ANO3: variants seen among roughly 807,000 people sequenced by gnomAD.
The protein encoded by ANO3 is anoctamin 3.
Under a neutral mutation model 144.8 loss-of-function variants are expected in ANO3, and 99 were observed. The ratio of observed to expected loss-of-function variants is 0.68; its 90% CI spans 0.58 to 0.81. The LOEUF is 0.81. Among genes scored for constraint, ANO3 ranks in the 30% least tolerant of loss-of-function variants. ANO3 has a pLI of 0.00. For missense variants in ANO3, 905 were observed against 1,202.2 expected (o/e 0.75, Z 3.66); for synonymous variants, 414 against 392.6 (o/e 1.05, Z -0.64).
chr11:26,404,265 CTATT>C (rs761164680), intron 1 of ANO3, among the ~76,000 whole-genome samples: 6 of 151,780 alleles, frequency 4.0e-5, no homozygotes, highest in Non-Finnish European at 7.4e-5. Context: ...TCATAAAACT[CTATT>C]TAGGTCACAC....
chr11:26,377,452 A>G (rs1159485245), intron 1 of ANO3, among the ~76,000 whole-genome samples: 1 of 152,120 alleles, frequency 6.6e-6, no homozygotes, highest in Non-Finnish European at 1.5e-5. Context: ...AAACCAGAGA[A>G]TCAACATAGA....
At chr11:26,660,078 C>T (rs1853831344) in intron 26 of ANO3, among the ~76,000 whole-genome samples, 184 bp from the exon 27 acceptor site, 1 of 152,056 alleles carries the variant, frequency 6.6e-6, no homozygotes, top group African/African-American at 2.4e-5. Flanking sequence ...TGTCCTAATA[C>T]TTAAGGAAGA....
At chr11:26,466,719 G>A (rs1417738184) in intron 4 of ANO3, among the ~76,000 whole-genome samples, 4 of 151,886 alleles carry the variant, frequency 2.6e-5, no homozygotes, top group Non-Finnish European at 5.9e-5. Flanking sequence ...GAGCTACCCC[G>A]CTGAGTCCAG....
chr11:26,413,425 ATAACT>A (rs1050216385), intron 1 of ANO3, among the ~76,000 whole-genome samples: 91 of 152,166 alleles, frequency 6.0e-4, no homozygotes, highest in Middle Eastern at 3.4e-3. Context: ...TTATATGAAG[ATAACT>A]TAAATGCATT....
chr11:26,424,450 G>A (rs72886216), intron 1 of ANO3, among the ~76,000 whole-genome samples: 7,963 of 151,988 alleles, frequency 0.052, 243 homozygotes, highest in African/African-American at 0.081. Context: ...TTTGGTAAAT[G>A]TCTGACTCTG....
Position 26,598,447 on chromosome 11 carries a change from G to C in ANO3, c.1530G>C (p.Glu510Asp), listed in dbSNP as rs145994828. The C allele has an allele frequency of 1.8e-5, 28 of 1,578,056 alleles. No homozygotes were observed. The highest frequency in any genetic ancestry group is 2.3e-5 in the Non-Finnish European group (27 of 1,160,770). ...TWDLIEWEEE[E>D]ETLRPQFEAK... is the part of the protein sequence containing the mutation. ...ACCTTATCGAATGGGAAGAAGAGGA[G>C]GTAAGATGTTAGGATACAAGGAAAT... Residue 510 changes from glutamate (E) to aspartate (D), a missense_variant and splice_region_variant, in exon 15 of 27, where the codon GAG (glutamate) becomes GAC (aspartate). Coordinates refer to ENST00000256737, the MANE Select transcript of ANO3 (RefSeq NM_031418.4).
chr11:26,658,285 T>G (rs1021017972), intron 26 of ANO3, among the ~76,000 whole-genome samples: 1 of 152,182 alleles, frequency 6.6e-6, no homozygotes. Context: ...ATAAAATACT[T>G]CTGCATTAAG....
At chr11:26,378,104 A>G (rs1856464759) in intron 1 of ANO3, among the ~76,000 whole-genome samples, 1 of 152,026 alleles carries the variant, frequency 6.6e-6, no homozygotes, top group East Asian at 1.9e-4. Context: ...TGAAGGCCTG[A>G]TATGCAAAAT....
chr11:26,374,926 T>G (rs1396471851), intron 1 of ANO3, among the ~76,000 whole-genome samples: 1 of 152,074 alleles, frequency 6.6e-6, no homozygotes. Flanking sequence ...GTATTTTTAG[T>G]AGAGACAGGG....
At chr11:26,651,955 G>T (rs1853547187) in intron 24 of ANO3, among the ~76,000 whole-genome samples, 1 of 152,002 alleles carries the variant, frequency 6.6e-6, no homozygotes, top group Non-Finnish European at 1.5e-5. Flanking sequence ...ACTCATTCTT[G>T]CCCCTCCCCT....
At chr11:26,530,008 GT>G (rs1291157231) in intron 7 of ANO3, among the ~76,000 whole-genome samples, 1 of 152,122 alleles carries the variant, frequency 6.6e-6, no homozygotes, top group Non-Finnish European at 1.5e-5. Flanking sequence ...TAGCAGCTAT[GT>G]AGAAATGTGG....
At position 26,505,744 on chromosome 11, in the gene ANO3, G is replaced by T. The variant is rs377432994; in HGVS notation, c.433-2360G>T. Among the ~76,000 whole-genome samples, 47 of 152,190 alleles carry T rather than the reference G, an allele frequency of 3.1e-4. 2 individuals are homozygous for T. In the East Asian group the frequency reaches 7.7e-3, roughly 25 times the overall value. On this transcript the variant is annotated intron_variant, in intron 4 of 26. Coordinates refer to ENST00000256737, the MANE Select transcript of ANO3 (RefSeq NM_031418.4). Reference sequence around the variant, plus strand: ...TCCTAGCACTTTGGGAGGCCAAGGCGGGCGGATCACGAGGCCAGGAGATCG... The same window carrying T: ...TCCTAGCACTTTGGGAGGCCAAGGCTGGCGGATCACGAGGCCAGGAGATCG...
At chr11:26,301,626 G>A (rs781081935) in intron 1 of ANO3, among the ~76,000 whole-genome samples, 2 of 152,084 alleles carry the variant, frequency 1.3e-5, no homozygotes, top group Non-Finnish European at 2.9e-5. Flanking sequence ...GTAGGGGAGT[G>A]GAGGGATTGA....
At chr11:26,406,194 A>G (rs1857273078) in intron 1 of ANO3, among the ~76,000 whole-genome samples, 1 of 151,862 alleles carries the variant, frequency 6.6e-6, no homozygotes, top group African/African-American at 2.4e-5. Flanking sequence ...GTCATATTGT[A>G]TGTCTGGTAT....
intron 1 of ANO3, among the ~76,000 whole-genome samples, chr11:26,218,021 G>GTC (rs1403000991): frequency 6.6e-6 from 1 of 151,972 alleles, no homozygotes; most frequent in African/African-American, 2.4e-5. Context: ...AATCCTTCAG[G>GTC]TCTCCAATAT....
At chr11:26,413,862 C>T (rs1857497146) in intron 1 of ANO3, among the ~76,000 whole-genome samples, 2 of 151,976 alleles carry the variant, frequency 1.3e-5, no homozygotes, top group South Asian at 4.1e-4. Context: ...CAGCTTTACA[C>T]TGGCAGACAT....
At chr11:26,294,173 T>C (rs1854033270) in intron 1 of ANO3, among the ~76,000 whole-genome samples, 1 of 152,202 alleles carries the variant, frequency 6.6e-6, no homozygotes, top group South Asian at 2.1e-4. Flanking sequence ...CTATAATCTT[T>C]TCTTGAGGGT....
intron 1 of ANO3, among the ~76,000 whole-genome samples, chr11:26,297,420 T>C (rs1453510922): frequency 6.6e-6 from 1 of 152,164 alleles, no homozygotes; most frequent in Non-Finnish European, 1.5e-5. Context: ...GCATAAGCCA[T>C]AAGCACTTGT....
At chr11:26,328,281 T>G (rs1001348621), upstream of ANO3, among the ~76,000 whole-genome samples, 2 of 152,196 alleles carry the variant, frequency 1.3e-5, no homozygotes, top group African/African-American at 2.4e-5. Flanking sequence ...AGAAAATTGT[T>G]AAATTTCACT....
Sources: gnomAD v4.1 joint callset for allele counts (sites outside exome capture counted in the v4.1 genomes callset) on GRCh38, gnomAD v4.1.1 for gene constraint, MANE v1.5 for transcripts, NCBI Gene and HGNC (gene_info 2026-07-23, HGNC 2026-07-21) for gene names.